Variants in WNT9A observed in about 807,000 individuals in gnomAD.
WNT9A encodes the protein protein Wnt-9a.
Under a neutral mutation model 31.4 loss-of-function variants are expected in WNT9A, and 8 were observed. The observed-to-expected ratio is 0.26, with a 90% CI of 0.15 to 0.46. WNT9A has a LOEUF of 0.46. Among genes scored for constraint, WNT9A ranks in the 20% least tolerant of loss-of-function variants. The pLI is 0.99. For missense variants in WNT9A, 457 were observed against 522.9 expected, an observed-to-expected ratio of 0.87 and a Z score of 1.23; for synonymous variants, 236 against 220.1, an observed-to-expected ratio of 1.07 and a Z score of -0.64.
chr1:227,933,233 G>A (rs1340510726), intron 1 of WNT9A, among the ~76,000 whole-genome samples: 1 of 152,188 alleles, frequency 6.6e-6, no homozygotes, highest in Non-Finnish European at 1.5e-5. Flanking sequence ...TTATGTTACA[G>A]AGACCGCTTC....
chr1:227,927,514 G>T (rs1053129746), intron 1 of WNT9A, among the ~76,000 whole-genome samples: 1 of 152,152 alleles, frequency 6.6e-6, no homozygotes, highest in African/African-American at 2.4e-5. Flanking sequence ...AGCACAGGGC[G>T]GCACTGTGGG....
intron 1 of WNT9A, among the ~76,000 whole-genome samples, chr1:227,946,262 G>A (rs901342158): frequency 6.6e-6 from 1 of 152,264 alleles, no homozygotes; most frequent in Admixed American, 6.5e-5. Flanking sequence ...AGATAGGTCA[G>A]AGAAGGAGAG....
intron 1 of WNT9A, among the ~76,000 whole-genome samples, chr1:227,929,180 A>C (rs1298694938): frequency 6.6e-6 from 1 of 152,202 alleles, no homozygotes; most frequent in East Asian, 1.9e-4. Flanking sequence ...CTTCCTTCCC[A>C]GCTGCTCCAG....
chr1:227,932,367 T>C lies in WNT9A; in HGVS notation c.96-6848A>G, dbSNP rs1666527901. Among the ~76,000 whole-genome samples, 3 of 152,358 alleles carry C rather than the reference T, an allele frequency of 2.0e-5. No individual in the cohort carries two copies. In the South Asian group the frequency reaches 6.2e-4, roughly 32 times the overall value. ...GCAATTCGGTCCCATTTCCAGGCTC[T>C]ACTTCCAATTCTCATTCTCTTGCTG... On this transcript the variant is annotated intron_variant, in intron 1 of 3. Transcript: ENST00000272164.
At chr1:227,922,969 C>A (rs1666349074) in intron 3 of WNT9A, among the ~76,000 whole-genome samples, 1 of 152,188 alleles carries the variant, frequency 6.6e-6, no homozygotes, top group African/African-American at 2.4e-5. Flanking sequence ...TGTCGCTGAC[C>A]CAGGCTCTGT....
At chr1:227,931,155 C>T (rs1432499895) in intron 1 of WNT9A, among the ~76,000 whole-genome samples, 1 of 152,116 alleles carries the variant, frequency 6.6e-6, no homozygotes, top group South Asian at 2.1e-4. Flanking sequence ...GGCACAATGA[C>T]AGCTCACTGC....
At chr1:227,946,549 G>C (rs910122046) in intron 1 of WNT9A, among the ~76,000 whole-genome samples, 1 of 152,232 alleles carries the variant, frequency 6.6e-6, no homozygotes, top group African/African-American at 2.4e-5. Flanking sequence ...TTGGAGCCAG[G>C]AGAGGGCTGC....
At chr1:227,935,078 T>G (rs779111487) in intron 1 of WNT9A, among the ~76,000 whole-genome samples, 6 of 150,130 alleles carry the variant, frequency 4.0e-5, no homozygotes, top group Non-Finnish European at 7.4e-5. Flanking sequence ...ATACAGAGCC[T>G]GAGTCACAGC....
chr1:227,941,324 C>T (rs1666701327), intron 1 of WNT9A, among the ~76,000 whole-genome samples: 2 of 152,050 alleles, frequency 1.3e-5, no homozygotes, highest in South Asian at 4.1e-4. Context: ...AATTGAGCGA[C>T]CAGGGAGAGA....
intron 1 of WNT9A, among the ~76,000 whole-genome samples, chr1:227,945,073 G>A (rs574601775): frequency 8.5e-5 from 13 of 152,302 alleles, no homozygotes; most frequent in Admixed American, 3.9e-4. Flanking sequence ...CAGCCCCGGC[G>A]TCTAATCCGG....
rs1666720066 is a variant in WNT9A, at chr1:227,942,212, A to G, written c.95+5581T>C. Reference sequence around the variant, plus strand: ...CAGACGTCCGCCGGCTGTGGACAGGACATCTGCTCCCTCAGCTGTGGCAGG... The same window carrying G: ...CAGACGTCCGCCGGCTGTGGACAGGGCATCTGCTCCCTCAGCTGTGGCAGG... On this transcript the variant is annotated intron_variant, in intron 1 of 3. Transcript: ENST00000272164. This position sits in a 1 kb window ranked among gnomAD's most constrained non-coding sequence, Gnocchi z 5.7. Among the ~76,000 whole-genome samples the G allele has an allele frequency of 6.6e-6, 1 of 152,080 alleles. No homozygotes were observed.
chr1:227,947,661 G>A, intron 1 of WNT9A, 132 bp downstream of exon 1: 1 of 363,096 alleles, frequency 2.8e-6, no homozygotes, highest in East Asian at 1.4e-4. Context: ...CAAACAAACA[G>A]CGCCAGGCAA....
intron 1 of WNT9A, among the ~76,000 whole-genome samples, chr1:227,934,538 G>C (rs1454946295): frequency 6.6e-6 from 1 of 152,172 alleles, no homozygotes. Flanking sequence ...CAAGAAGTGA[G>C]CTGTCATCTC....
intron 1 of WNT9A, among the ~76,000 whole-genome samples, chr1:227,939,782 C>A (rs925012576): frequency 2.0e-5 from 3 of 152,164 alleles, no homozygotes; most frequent in African/African-American, 4.8e-5. Flanking sequence ...CTCAGTCCTG[C>A]CAGACAGCGT....
chr1:227,930,012 T>G (rs186677891), intron 1 of WNT9A, among the ~76,000 whole-genome samples: 230 of 152,314 alleles, frequency 1.5e-3, no homozygotes, highest in Non-Finnish European at 2.6e-3. Context: ...TGTTTTGCCA[T>G]AGCAGCCTGC....
intron 1 of WNT9A, among the ~76,000 whole-genome samples, chr1:227,940,677 C>A (rs1357070967): frequency 6.6e-6 from 1 of 152,268 alleles, no homozygotes; most frequent in African/African-American, 2.4e-5. Context: ...CCTGGCTGCA[C>A]TGACCTCAGG....
In WNT9A at chr1:227,922,099, C is replaced by T. The variant is rs553586638; in HGVS notation, c.616-99G>A. On this transcript the variant is annotated intron_variant, in intron 3 of 3. Coordinates refer to ENST00000272164, the MANE Select transcript of WNT9A (RefSeq NM_003395.4). Reference sequence around the variant, plus strand: ...GACCCCCAGAGGGACCCCACACCCCCACCCAGGCCCAGGCCCTGCCGGCGG... The same window carrying T: ...GACCCCCAGAGGGACCCCACACCCCTACCCAGGCCCAGGCCCTGCCGGCGG... 1.0e-5 allele frequency: 15 copies of T among 1,487,374 alleles called. No homozygotes were observed. The South Asian group carries it at 2.0e-4, about 20-fold the overall frequency. 92.1% of individuals were successfully genotyped at this position (1,487,374 alleles called of 1,614,324 possible). A position where few individuals can be genotyped will look rare whatever the true frequency, so the allele number is the denominator to read the frequency against.
chr1:227,941,427 C>T (rs567407731), intron 1 of WNT9A, among the ~76,000 whole-genome samples: 11 of 151,760 alleles, frequency 7.2e-5, no homozygotes, highest in African/African-American at 9.7e-5. Flanking sequence ...AGAGACCCCA[C>T]GGGAACCCTC....
intron 1 of WNT9A, among the ~76,000 whole-genome samples, chr1:227,938,212 C>T (rs1428652303): frequency 3.3e-5 from 5 of 151,824 alleles, no homozygotes; most frequent in Non-Finnish European, 7.4e-5. Context: ...CACACAAACC[C>T]CCCCACACAG....
Sources: allele counts gnomAD v4.1 joint callset (sites outside exome capture counted in the v4.1 genomes callset), GRCh38; gene constraint gnomAD v4.1.1; non-coding constraint Gnocchi (gnomAD v3.1); transcripts MANE v1.5; gene names NCBI Gene and HGNC (gene_info 2026-07-23, HGNC 2026-07-21).